Variants in DENND2C observed in about 807,000 individuals in gnomAD.
DENND2C encodes DENN domain containing 2C, also known as DENN domain-containing protein 2C.
Under a neutral mutation model 112.4 loss-of-function variants are expected in DENND2C, and 72 were observed. The observed-to-expected ratio is 0.64, with a 90% CI of 0.53 to 0.78. The LOEUF is 0.78. DENND2C is among the 30% of genes least tolerant of loss of function. DENND2C has a pLI of 0.00. For missense variants in DENND2C, 992 were observed against 1,113.8 expected, an observed-to-expected ratio of 0.89 and a Z score of 1.56; for synonymous variants, 329 against 381.6, an observed-to-expected ratio of 0.86 and a Z score of 1.61.
intron 5 of DENND2C, 25 bp from the exon 6 acceptor site, chr1:114,623,124 T>C: frequency 6.3e-7 from 1 of 1,577,328 alleles, no homozygotes. Flanking sequence ...TAAAAAAATG[T>C]TTACATGAAC....
chr1:114,646,890 T>C lies in DENND2C; in HGVS notation c.-316-1331A>G, dbSNP rs1395242278. Among the ~76,000 whole-genome samples the C allele has an allele frequency of 2.0e-5, 3 of 152,172 alleles. No individual in the cohort carries two copies. The East Asian group carries it at 5.8e-4, about 29-fold the overall frequency. ...CAGAGAATATTTAGGGCAGGCACGG[T>C]AGCTCATGCCTGTAATCCCAGCACT... is the stretch of plus-strand genomic sequence containing the variant. On this transcript the variant is annotated intron_variant, in intron 2 of 20. Transcript: ENST00000393274.
intron 3 of DENND2C, among the ~76,000 whole-genome samples, chr1:114,634,108 G>A (rs1304835195): frequency 6.6e-6 from 1 of 152,144 alleles, no homozygotes; most frequent in East Asian, 1.9e-4. Flanking sequence ...CACCTAATAA[G>A]AGTTTCAAAA....
At chr1:114,648,669 A>G (rs1657065386) in intron 2 of DENND2C, among the ~76,000 whole-genome samples, 2 of 152,148 alleles carry the variant, frequency 1.3e-5, no homozygotes, top group Admixed American at 6.5e-5. Flanking sequence ...AACCACTCAA[A>G]GTGCTTGAGG....
At chr1:114,594,784 G>A (rs568661780) in intron 17 of DENND2C, among the ~76,000 whole-genome samples, 1 of 152,196 alleles carries the variant, frequency 6.6e-6, no homozygotes, top group East Asian at 1.9e-4. Context: ...TATATACTTT[G>A]TAAAATTTTC....
chr1:114,661,774 T>C (rs1657498558), intron 1 of DENND2C, among the ~76,000 whole-genome samples: 1 of 152,240 alleles, frequency 6.6e-6, no homozygotes, highest in African/African-American at 2.4e-5. Flanking sequence ...ACTTCGTTTT[T>C]TTCTTCTAAT....
intron 8 of DENND2C, among the ~76,000 whole-genome samples, chr1:114,614,044 C>T (rs896298595): frequency 6.6e-6 from 1 of 151,850 alleles, no homozygotes; most frequent in East Asian, 1.9e-4. Context: ...ACCAGCCTGG[C>T]AACATGGTGA....
rs61753529 is a variant in DENND2C, at chr1:114,587,804, A to G, written c.2580T>C (p.Ser860=). 6.3e-3 allele frequency: 10,195 copies of G among 1,614,148 alleles called. 51 individuals are homozygous for G. The highest frequency in any genetic ancestry group is 7.1e-3 in the Non-Finnish European group (8,369 of 1,180,030). Residue 860 remains serine (S), a synonymous_variant, in exon 19 of 21, where the codon AGT becomes AGC. Coordinates refer to ENST00000393274, the MANE Select transcript of DENND2C (RefSeq NM_001256404.2). Reference sequence around the variant, plus strand: ...TGAAGAGATCCAGGAAGTGGCGTACACTTCGGGAGGTGTGGGACTTACGGA... The same window carrying G: ...TGAAGAGATCCAGGAAGTGGCGTACGCTTCGGGAGGTGTGGGACTTACGGA... ...EPFRKSHTSR[S]VRHFLDLFME...
chr1:114,595,920 A>C, intron 16 of DENND2C, 47 bp from the exon 17 acceptor site: 1 of 1,541,842 alleles, frequency 6.5e-7, no homozygotes, highest in Non-Finnish European at 9.0e-7. Flanking sequence ...ACATTCACAG[A>C]CAAATACAGG....
intron 18 of DENND2C, among the ~76,000 whole-genome samples, chr1:114,592,453 C>A (rs79296618): frequency 0.025 from 3,870 of 152,210 alleles, 176 homozygotes; most frequent in African/African-American, 0.088. Context: ...CGCAATGGCT[C>A]ACCCATGTAA....
At chr1:114,639,352 C>T (rs376236299) in intron 3 of DENND2C, among the ~76,000 whole-genome samples, 1 of 151,796 alleles carries the variant, frequency 6.6e-6, no homozygotes, top group African/African-American at 2.4e-5. Context: ...AGGCTGAGGC[C>T]GGTAGATCAC....
intron 10 of DENND2C, among the ~76,000 whole-genome samples, chr1:114,606,862 G>A (rs1437236010): frequency 6.6e-6 from 1 of 152,168 alleles, no homozygotes; most frequent in African/African-American, 2.4e-5. Flanking sequence ...TCGACTAGGG[G>A]TTGGGAAGTT....
Position 114,656,456 on chromosome 1 carries a change from G to A in DENND2C, c.-573-1695C>T, listed in dbSNP as rs190474920. Among the ~76,000 whole-genome samples, 18 of 150,886 alleles carry A rather than the reference G, an allele frequency of 1.2e-4. No individual in the cohort carries two copies. In the East Asian group the frequency reaches 3.3e-3, roughly 28 times the overall value. ...TCAGTTGCCAGGCTGGAGTGCAGTG[G>A]TGCGATCTCGGCTCACTGTAACCTC... is the stretch of plus-strand genomic sequence containing the variant. On this transcript the variant is annotated intron_variant, in intron 1 of 20. Transcript: ENST00000393274.
At chr1:114,646,252 T>C (rs1203421379) in intron 2 of DENND2C, among the ~76,000 whole-genome samples, 1 of 152,100 alleles carries the variant, frequency 6.6e-6, no homozygotes, top group Admixed American at 6.6e-5. Flanking sequence ...AAACATCATG[T>C]TTACCTCGTA....
Position 114,625,295 on chromosome 1 carries a change from T to G in DENND2C, c.690A>C (p.Glu230Asp), listed in dbSNP as rs770275054. Residue 230 changes from glutamate to aspartate, a missense_variant, in exon 4 of 21, where the codon GAA becomes GAC. Glu to Asp is a conservative substitution (Grantham distance 45). This residue lies in a region of DENND2C where 470 missense variants were observed against 472.7 expected (regional missense o/e 0.99). Transcript: ENST00000393274. Reference sequence around the variant, plus strand: ...CACAGTATTTTTTGTCACAGTTTCTTTCTTTATACGGCGTAACACCAGATT... The same window carrying G: ...CACAGTATTTTTTGTCACAGTTTCTGTCTTTATACGGCGTAACACCAGATT... ...LSESGVTPYK[E>D]RNCDKKYCEN... is the part of the protein sequence containing the mutation. 71 of 1,614,100 alleles carry G rather than the reference T, an allele frequency of 4.4e-5. No individual in the cohort carries two copies. The highest frequency in any genetic ancestry group is 6.7e-5 in the Admixed American group (4 of 60,010).
In DENND2C at chr1:114,626,011, A is replaced by T; in HGVS notation, c.-27T>A. ...TTCCCAACTGGGTGAATGACAAGTG[A>T]TGAATCTTACAAAGGTTCCATTACA... On this transcript the variant is annotated 5_prime_UTR_variant, in exon 4 of 21. Coordinates refer to ENST00000393274, the MANE Select transcript of DENND2C (RefSeq NM_001256404.2). The T allele has an allele frequency of 1.3e-6, 2 of 1,575,088 alleles. No individual in the cohort carries two copies. The highest frequency in any genetic ancestry group is 1.7e-6 in the Non-Finnish European group (2 of 1,157,998).
At chr1:114,640,888 GC>G (rs1354140814) in intron 3 of DENND2C, among the ~76,000 whole-genome samples, 1 of 151,990 alleles carries the variant, frequency 6.6e-6, no homozygotes, top group Admixed American at 6.6e-5. Context: ...ATAACAAACA[GC>G]CTTTGATTTT....
intron 16 of DENND2C, among the ~76,000 whole-genome samples, chr1:114,598,156 T>G (rs1475921607): frequency 6.6e-6 from 1 of 152,200 alleles, no homozygotes; most frequent in East Asian, 1.9e-4. Context: ...CATGTGTGTA[T>G]GCACTGAGGG....
intron 18 of DENND2C, among the ~76,000 whole-genome samples, chr1:114,588,735 TA>T (rs1319029862): frequency 6.6e-6 from 1 of 152,164 alleles, no homozygotes; most frequent in African/African-American, 2.4e-5. Context: ...TCCCTCTCAA[TA>T]TTCCCATTTT....
In DENND2C at chr1:114,587,768, C is replaced by A. The variant is rs1655079393; in HGVS notation, c.2616G>T (p.Gln872His). 4 of 1,614,136 alleles carry A rather than the reference C, an allele frequency of 2.5e-6. No homozygotes were observed. In the African/African-American group the frequency reaches 5.3e-5, roughly 22 times the overall value. Residue 872 changes from glutamine to histidine, a missense_variant, in exon 19 of 21, where the codon CAG becomes CAT. By Grantham distance (24) the Gln-to-His change is conservative. This residue lies in a region of DENND2C where 516 missense variants were observed against 623.6 expected (regional missense o/e 0.83). Transcript: ENST00000393274. Reference protein sequence around the residue: ...RHFLDLFMETQMFAGFIQDRE... With the variant: ...RHFLDLFMETHMFAGFIQDRE... The stretch of plus-strand genomic sequence containing the variant: ...GGTCCTGGATGAATCCTGCAAACAT[C>A]TGAGTTTCCATGAAGAGATCCAGGA...
Sources: allele counts gnomAD v4.1 joint callset (sites outside exome capture counted in the v4.1 genomes callset), GRCh38; gene constraint gnomAD v4.1.1; regional missense constraint gnomAD v4.1.1; transcripts MANE v1.5; gene names NCBI Gene and HGNC (gene_info 2026-07-23, HGNC 2026-07-21).